Variants in KLHL28 observed in about 807,000 individuals in gnomAD.
KLHL28 encodes kelch like family member 28, also known as kelch-like protein 28.
A neutral mutation model predicts 48.3 loss-of-function variants in KLHL28; 22 were observed. The observed-to-expected ratio is 0.46, with a 90% CI of 0.33 to 0.65. The LOEUF (loss-of-function observed/expected upper bound fraction) is 0.65, where lower values mean the gene tolerates loss of function less well. Ranked by LOEUF, KLHL28 falls within the 30% of genes least tolerant of loss-of-function variation. KLHL28 has a pLI of 0.03. For synonymous variants in KLHL28, 243 were observed against 242.4 expected (o/e 1.00, Z -0.02); for missense variants, 527 against 704.3 (o/e 0.75, Z 2.85).
rs1326918379 is a variant in KLHL28, at chr14:44,926,138, A to T, written c.*2890T>A. The stretch of plus-strand genomic sequence containing the variant: ...GTGTTCATAATGAAACTTCTCACAA[A>T]TTTGTAAAAGAAGGCGCTAATGTAA... On this transcript the variant is annotated 3_prime_UTR_variant, in exon 5 of 5. Transcript: ENST00000396128. The T allele has an allele frequency of 6.6e-6, 1 of 152,216 alleles. No homozygotes were observed. The highest frequency in any genetic ancestry group is 2.1e-4 in the South Asian group (1 of 4,832). 9.4% of individuals were successfully genotyped at this position (152,216 alleles called of 1,614,324 possible).
At chr14:44,942,609 G>T (rs1410703807) in intron 2 of KLHL28, among the ~76,000 whole-genome samples, 1 of 151,486 alleles carries the variant, frequency 6.6e-6, no homozygotes, top group Non-Finnish European at 1.5e-5. Context: ...ACACTTCTTG[G>T]TTAGAACCCT....
At chr14:44,943,883 A>C (rs2138625381) in intron 2 of KLHL28, among the ~76,000 whole-genome samples, 1 of 152,072 alleles carries the variant, frequency 6.6e-6, no homozygotes, top group South Asian at 2.1e-4. Context: ...CCCAGATAAT[A>C]TTTTAAATTT....
intron 1 of KLHL28, among the ~76,000 whole-genome samples, chr14:44,958,111 T>G (rs1250747164): frequency 6.6e-6 from 1 of 150,938 alleles, no homozygotes; most frequent in East Asian, 1.9e-4. Flanking sequence ...CAAACAATAG[T>G]ATTCTGAATC....
At chr14:44,949,172 A>T (rs1055995403) in intron 1 of KLHL28, among the ~76,000 whole-genome samples, 1 of 152,148 alleles carries the variant, frequency 6.6e-6, no homozygotes, top group East Asian at 1.9e-4. Flanking sequence ...TATTTTCAAA[A>T]ATAAGACAGT....
At chr14:44,937,194 G>A (rs557864952) in intron 2 of KLHL28, among the ~76,000 whole-genome samples, 2 of 147,246 alleles carry the variant, frequency 1.4e-5, no homozygotes, top group South Asian at 4.3e-4. Context: ...CGCCCAGGCT[G>A]GAGTGCAGTG....
intron 1 of KLHL28, among the ~76,000 whole-genome samples, chr14:44,956,304 G>A (rs1364590464): frequency 6.6e-6 from 1 of 152,126 alleles, no homozygotes. Flanking sequence ...AATAAAGAAG[G>A]AATAATGGAA....
intron 2 of KLHL28, among the ~76,000 whole-genome samples, chr14:44,938,377 C>CT (rs530413999): frequency 7.0e-4 from 103 of 146,258 alleles, no homozygotes; most frequent in East Asian, 2.2e-3. Context: ...ACATTGTCTT[C>CT]TTTTTTTTTT....
At chr14:44,952,821 C>G (rs1045276821) in intron 1 of KLHL28, among the ~76,000 whole-genome samples, 1 of 152,060 alleles carries the variant, frequency 6.6e-6, no homozygotes. Flanking sequence ...ATCCTCAAAG[C>G]CCCACATTTG....
chr14:44,945,515 A>C lies in KLHL28; in HGVS notation c.414T>G (p.Ile138Met). 2 of 1,614,230 alleles carry C rather than the reference A, an allele frequency of 1.2e-6. No individual in the cohort carries two copies. Among genetic ancestry groups the C allele is most frequent in the Non-Finnish European group, 1.7e-6 (2 of 1,180,040 alleles). Residue 138 changes from isoleucine (I) to methionine (M), a missense_variant, in exon 2 of 5, where the codon ATT becomes ATG. Transcript: ENST00000396128. ...ATGTTTCTGCAAAACGAGAAATTCC[A>C]ATACAATTACCAGGATCAAGTTGGC... ...LESQLDPGNCIGISRFAETYG... is the reference protein window; with the variant it reads ...LESQLDPGNCMGISRFAETYG...
intron 4 of KLHL28, among the ~76,000 whole-genome samples, chr14:44,929,450 A>C (rs1883492957): frequency 6.6e-6 from 1 of 152,170 alleles, no homozygotes; most frequent in Non-Finnish European, 1.5e-5. Flanking sequence ...ACATCCACAT[A>C]ACTTTTATTA....
At chr14:44,939,624 T>C (rs1314969372) in intron 2 of KLHL28, among the ~76,000 whole-genome samples, 2 of 152,326 alleles carry the variant, frequency 1.3e-5, no homozygotes, top group South Asian at 2.1e-4. Context: ...CAAGGGTCTT[T>C]GCTAATATAT....
rs575910804 is a variant in KLHL28 at position 44,925,380 on chromosome 14, A to G, written c.*3648T>C. On this transcript the variant is annotated 3_prime_UTR_variant, in exon 5 of 5. Coordinates refer to ENST00000396128, the MANE Select transcript of KLHL28 (RefSeq NM_017658.5). The stretch of plus-strand genomic sequence containing the variant: ...AAATTTCTATAGTTTTCTTACTAGA[A>G]AATACATTATCCAATTCTAGGAGAT... 127 of 152,296 alleles carry G rather than the reference A, an allele frequency of 8.3e-4. 1 individual carries two copies. Among genetic ancestry groups the G allele is most frequent in the African/African-American group, 2.8e-3 (116 of 41,590 alleles). 9.4% of individuals were successfully genotyped at this position (152,296 alleles called of 1,614,324 possible).
intron 1 of KLHL28, among the ~76,000 whole-genome samples, chr14:44,955,487 A>T (rs895766290): frequency 6.6e-6 from 1 of 152,152 alleles, no homozygotes; most frequent in Admixed American, 6.5e-5. Context: ...GAAGATGTCA[A>T]GACACATTTG....
chr14:44,945,908 G>T lies in KLHL28; in HGVS notation c.21C>A (p.Thr7=), dbSNP rs148092859. 4 of 1,612,570 alleles carry T rather than the reference G, an allele frequency of 2.5e-6. No individual in the cohort carries two copies. Among genetic ancestry groups the T allele is most frequent in the East Asian group, 4.5e-5 (2 of 44,868 alleles). The change falls in exon 2 of 5, where the codon ACC becomes ACA. Residue 7 remains threonine (T), a synonymous_variant. Coordinates refer to ENST00000396128, the MANE Select transcript of KLHL28 (RefSeq NM_017658.5). MDHTSP[T]YMLANLTHLH... is the part of the protein sequence containing the mutation. ...AGTGGGTTAAGTTAGCAAGCATGTAGGTCGGGGATGTGTGGTCCATCTACA... is the reference window on the plus strand; with the variant it reads ...AGTGGGTTAAGTTAGCAAGCATGTATGTCGGGGATGTGTGGTCCATCTACA...
At chr14:44,955,467 G>C (rs1884754674) in intron 1 of KLHL28, among the ~76,000 whole-genome samples, 1 of 152,104 alleles carries the variant, frequency 6.6e-6, no homozygotes, top group South Asian at 2.1e-4. Flanking sequence ...CTGATACCAT[G>C]TCTGGGGCAG....
At chr14:44,932,953 T>A (rs1026178082) in intron 3 of KLHL28, among the ~76,000 whole-genome samples, 1 of 152,186 alleles carries the variant, frequency 6.6e-6, no homozygotes, top group Non-Finnish European at 1.5e-5. Flanking sequence ...TCAGTATTTG[T>A]AGAGGATTGG....
intron 1 of KLHL28, among the ~76,000 whole-genome samples, chr14:44,957,629 A>G (rs1353074155): frequency 6.6e-6 from 1 of 152,204 alleles, no homozygotes; most frequent in South Asian, 2.1e-4. Flanking sequence ...ACCAGTTAAC[A>G]GTCTAAGCTT....
intron 1 of KLHL28, among the ~76,000 whole-genome samples, chr14:44,948,290 T>G (rs565327771): frequency 6.6e-6 from 1 of 152,096 alleles, no homozygotes; most frequent in Non-Finnish European, 1.5e-5. Flanking sequence ...AATCAGACAA[T>G]GTACATAAAA....
chr14:44,945,747 T>C lies in KLHL28; in HGVS notation c.182A>G (p.Lys61Arg), dbSNP rs1188809190. The C allele has an allele frequency of 6.2e-7, 1 of 1,614,054 alleles. No individual in the cohort carries two copies. The highest frequency in any genetic ancestry group is 1.7e-5 in the Admixed American group (1 of 59,996). ...AGAAAGGTTTCCAGTGAACATAGCT[T>C]TGAAATACGGGCTGACGCTGGCAAG... The part of the protein sequence containing the change: ...VVLASVSPYF[K>R]AMFTGNLSEK... Residue 61 changes from lysine (K) to arginine (R), a missense_variant, in exon 2 of 5, where the codon AAA (lysine) becomes AGA (arginine). By Grantham distance (26) the Lys-to-Arg change is conservative (BLOSUM62 2). Coordinates refer to ENST00000396128, the MANE Select transcript of KLHL28 (RefSeq NM_017658.5).
Sources: allele counts gnomAD v4.1 joint callset (sites outside exome capture counted in the v4.1 genomes callset), GRCh38; gene constraint gnomAD v4.1.1; transcripts MANE v1.5; gene names NCBI Gene and HGNC (gene_info 2026-07-23, HGNC 2026-07-21).